The following EPHA6 variants were observed in gnomAD, a reference collection of about 807,000 sequenced individuals.
The protein encoded by EPHA6 is ephrin type-A receptor 6.
In EPHA6, 50 loss-of-function variants were observed where a neutral mutation model predicts 112.0. The observed-to-expected ratio is 0.45, with a 90% CI of 0.36 to 0.56. EPHA6 has a LOEUF of 0.56. Among genes scored for constraint, EPHA6 ranks in the 20% least tolerant of loss-of-function variants. EPHA6 has a pLI of 0.00. For missense variants in EPHA6, 1,280 were observed against 1,417.4 expected (o/e 0.90, Z 1.56); for synonymous variants, 529 against 490.7 (o/e 1.08, Z -1.03).
intron 11 of EPHA6, among the ~76,000 whole-genome samples, chr3:97,537,247 T>C (rs2092776922): frequency 6.6e-6 from 1 of 152,184 alleles, no homozygotes; most frequent in Non-Finnish European, 1.5e-5. Flanking sequence ...TTTACTGATA[T>C]ACATTAGATT....
chr3:97,013,342 G>T (rs1024162878), intron 3 of EPHA6, among the ~76,000 whole-genome samples: 3 of 151,846 alleles, frequency 2.0e-5, no homozygotes, highest in African/African-American at 7.3e-5. Flanking sequence ...ATTTTACTTA[G>T]AAATGATAAA....
At chr3:97,523,545 G>T (rs1324803517) in intron 10 of EPHA6, among the ~76,000 whole-genome samples, 3 of 152,020 alleles carry the variant, frequency 2.0e-5, no homozygotes, top group Non-Finnish European at 2.9e-5. Flanking sequence ...TCCATTTGGG[G>T]TAAAGGGTTG....
chr3:97,021,159 C>T, intron 3 of EPHA6, among the ~76,000 whole-genome samples: 1 of 152,190 alleles, frequency 6.6e-6, no homozygotes, highest in East Asian at 1.9e-4. Context: ...CTCTTGATCA[C>T]TATTAATTTC....
chr3:97,160,667 C>T lies in EPHA6; in HGVS notation c.1115-65597C>T, dbSNP rs190420320. On this transcript the variant is annotated intron_variant, in intron 3 of 17. Transcript: ENST00000389672. ...CTGTCACCAATTTCCCTGTTATCTT[C>T]CTTCCAAGTTCCTAATCATCTAGCC... Among the ~76,000 whole-genome samples, 215 of 152,252 alleles carry T rather than the reference C, an allele frequency of 1.4e-3. 1 individual carries two copies. The highest frequency in any genetic ancestry group is 1.8e-4 in the Non-Finnish European group (12 of 68,020).
At chr3:97,709,535 CT>C (rs2033857296) in intron 14 of EPHA6, among the ~76,000 whole-genome samples, 1 of 152,190 alleles carries the variant, frequency 6.6e-6, no homozygotes, top group Non-Finnish European at 1.5e-5. Flanking sequence ...TGGATTTGGA[CT>C]TTTCAGTTAA....
intron 2 of EPHA6, among the ~76,000 whole-genome samples, chr3:96,956,555 T>C (rs1465757891): frequency 6.6e-6 from 1 of 152,188 alleles, no homozygotes; most frequent in East Asian, 1.9e-4. Flanking sequence ...GTGAACAGCA[T>C]GCTATAGAGC....
At chr3:97,060,569 A>G (rs959671851) in intron 3 of EPHA6, among the ~76,000 whole-genome samples, 7 of 152,140 alleles carry the variant, frequency 4.6e-5, no homozygotes, top group Non-Finnish European at 7.4e-5. Flanking sequence ...CTTGTAACAA[A>G]CAAAGAATTA....
chr3:97,267,498 G>T (rs2079725570), intron 5 of EPHA6, among the ~76,000 whole-genome samples: 1 of 152,062 alleles, frequency 6.6e-6, no homozygotes, highest in Non-Finnish European at 1.5e-5. Flanking sequence ...TGCAGTATGT[G>T]TCATGTAAAA....
Position 97,253,101 on chromosome 3 carries a change from G to GA in EPHA6, c.1606+8822dup, listed in dbSNP as rs546008664. ...TTTGGAAGTGAAAGTTTGTCTACGTGAAAAAAAACAAAATTAAATATATAA... is the reference window on the plus strand; with the variant it reads ...TTTGGAAGTGAAAGTTTGTCTACGTGAAAAAAAAACAAAATTAAATATATAA... On this transcript the variant is annotated intron_variant, in intron 5 of 17. Transcript: ENST00000389672. 7.3e-5 allele frequency among the ~76,000 whole-genome samples: 11 copies of GA among 151,400 alleles called. No individual in the cohort carries two copies. In the South Asian group the frequency reaches 1.3e-3, roughly 17 times the overall value.
chr3:97,278,449 G>C (rs879945065), intron 5 of EPHA6, among the ~76,000 whole-genome samples: 2 of 152,142 alleles, frequency 1.3e-5, no homozygotes, highest in African/African-American at 2.4e-5. Context: ...TGAATAACAG[G>C]CTTATACATT....
chr3:97,166,367 T>TA lies in EPHA6; in HGVS notation c.1115-59882dup, dbSNP rs570227027. ...AAAGCTGAAAGTATGTACTTGTTTTTAAAAAAAAAAAAAAATAACAAACGT... is the reference window on the plus strand; with the variant it reads ...AAAGCTGAAAGTATGTACTTGTTTTTAAAAAAAAAAAAAAAATAACAAACGT... On this transcript the variant is annotated intron_variant, in intron 3 of 17. Transcript: ENST00000389672. 2.2e-3 allele frequency among the ~76,000 whole-genome samples: 316 copies of TA among 143,226 alleles called. 2 individuals are homozygous for TA. Among genetic ancestry groups the TA allele is most frequent in the East Asian group, 4.0e-3 (20 of 4,976 alleles). The allele number at this position is 143,226 out of a possible 152,430, so 94.0% of individuals were successfully genotyped here. A position where few individuals can be genotyped will look rare whatever the true frequency, so the allele number is the denominator to read the frequency against.
intron 2 of EPHA6, among the ~76,000 whole-genome samples, chr3:96,925,651 G>A (rs1046758038): frequency 1.4e-5 from 2 of 146,344 alleles, no homozygotes; most frequent in African/African-American, 5.2e-5. Context: ...CATTGCCCAA[G>A]CTGGAGTGCA....
At chr3:96,937,751 G>T (rs376574295) in intron 2 of EPHA6, among the ~76,000 whole-genome samples, 60 of 151,772 alleles carry the variant, frequency 4.0e-4, no homozygotes, top group South Asian at 1.2e-3. Flanking sequence ...GTCTAACATT[G>T]AAGTCTTTAA....
intron 3 of EPHA6, among the ~76,000 whole-genome samples, chr3:97,194,082 T>G (rs2077378387): frequency 6.6e-6 from 1 of 152,020 alleles, no homozygotes; most frequent in South Asian, 2.1e-4. Flanking sequence ...TCTTCTCTGA[T>G]CCTTATTATT....
At chr3:97,250,245 A>G (rs917590720) in intron 5 of EPHA6, among the ~76,000 whole-genome samples, 1 of 152,224 alleles carries the variant, frequency 6.6e-6, no homozygotes, top group African/African-American at 2.4e-5. Context: ...CTGGTGCTAT[A>G]CCTACATTTT....
chr3:96,814,855 C>G lies in EPHA6; in HGVS notation c.232C>G (p.Arg78Gly), dbSNP rs757900775. 2 of 1,562,690 alleles carry G rather than the reference C, an allele frequency of 1.3e-6. No homozygotes were observed. Among genetic ancestry groups the G allele is most frequent in the East Asian group, 2.4e-5 (1 of 41,588 alleles). Residue 78 changes from arginine to glycine, a missense_variant, in exon 1 of 18, where the codon CGC (arginine) becomes GGC (glycine). Transcript: ENST00000389672. ...CCATCCTACCCAGAACACCTGCCTG[C>G]GCTGCCGCCACTTCTCTTTAAGGGA... ...DPHPTQNTCL[R>G]CRHFSLRERK...
chr3:97,259,913 G>C (rs369092221), intron 5 of EPHA6, among the ~76,000 whole-genome samples: 1 of 150,798 alleles, frequency 6.6e-6, no homozygotes, highest in Non-Finnish European at 1.5e-5. Flanking sequence ...CGATTCTTCC[G>C]CCTCAGCCTC....
chr3:97,516,967 G>T (rs988269590), intron 10 of EPHA6, among the ~76,000 whole-genome samples: 17 of 152,174 alleles, frequency 1.1e-4, no homozygotes, highest in African/African-American at 4.1e-4. Context: ...ACTAGGTGCT[G>T]TGGAAACAAC....
intron 5 of EPHA6, among the ~76,000 whole-genome samples, chr3:97,367,266 C>T (rs1011041387): frequency 7.2e-5 from 11 of 152,010 alleles, no homozygotes; most frequent in African/African-American, 2.4e-4. Context: ...TATGTGAACC[C>T]ATTTTTAAAG....
Sources: allele counts gnomAD v4.1 joint callset (sites outside exome capture counted in the v4.1 genomes callset), GRCh38; gene constraint gnomAD v4.1.1; transcripts MANE v1.5; gene names NCBI Gene and HGNC (gene_info 2026-07-23, HGNC 2026-07-21).